RSRC1: variants seen among roughly 807,000 people sequenced by gnomAD.
The protein encoded by RSRC1 is serine/Arginine-related protein 53.
A neutral mutation model predicts 49.1 loss-of-function variants in RSRC1; 39 were observed. The ratio of observed to expected loss-of-function variants is 0.79; its 90% CI spans 0.61 to 1.04. The LOEUF (loss-of-function observed/expected upper bound fraction) is 1.04. RSRC1 is among the 50% of genes least tolerant of loss of function. RSRC1 has a pLI of 0.00. For missense variants in RSRC1, 388 were observed against 402.4 expected (o/e 0.96, Z 0.31); for synonymous variants, 143 against 130.8 (o/e 1.09, Z -0.63).
rs573132351 is a variant in RSRC1 at position 158,407,991 on chromosome 3, C to T, written c.584-52944C>T. Among the ~76,000 whole-genome samples, 11 of 152,222 alleles carry T rather than the reference C, an allele frequency of 7.2e-5. No homozygotes were observed. The South Asian group carries it at 1.0e-3, about 14-fold the overall frequency. On this transcript the variant is annotated intron_variant, in intron 6 of 9. Coordinates refer to ENST00000611884, the MANE Select transcript of RSRC1 (RefSeq NM_001271838.2). Reference sequence around the variant, plus strand: ...CTAATCCTGGCTTTGCCTTTCATGGCTTATATGATTTTTACAAGTTAGATA... The same window carrying T: ...CTAATCCTGGCTTTGCCTTTCATGGTTTATATGATTTTTACAAGTTAGATA...
chr3:158,422,920 G>T (rs1028171078), intron 6 of RSRC1, among the ~76,000 whole-genome samples: 1 of 152,022 alleles, frequency 6.6e-6, no homozygotes, highest in African/African-American at 2.4e-5. Flanking sequence ...TTTTGATGGG[G>T]TTGTTTGGTT....
intron 6 of RSRC1, among the ~76,000 whole-genome samples, chr3:158,371,154 A>G (rs1290848703): frequency 6.6e-6 from 1 of 151,828 alleles, no homozygotes; most frequent in Non-Finnish European, 1.5e-5. Flanking sequence ...ATAGTTATTT[A>G]TATATTCTAA....
At chr3:158,477,910 C>CT (rs934713028) in intron 7 of RSRC1, among the ~76,000 whole-genome samples, 1 of 147,886 alleles carries the variant, frequency 6.8e-6, no homozygotes, top group Admixed American at 6.8e-5. Context: ...TTCCTGTTTT[C>CT]TTTTTTTTAA....
At chr3:158,314,685 A>G (rs1021144570) in intron 5 of RSRC1, among the ~76,000 whole-genome samples, 2 of 152,180 alleles carry the variant, frequency 1.3e-5, no homozygotes, top group Non-Finnish European at 2.9e-5. Context: ...CCACTGCTCT[A>G]AGGAGTTTCA....
At chr3:158,274,721 A>G (rs551778502) in intron 4 of RSRC1, among the ~76,000 whole-genome samples, 2 of 152,304 alleles carry the variant, frequency 1.3e-5, no homozygotes, top group Admixed American at 6.5e-5. Flanking sequence ...CAGAAATGCA[A>G]TGTGGTGGTA....
intron 5 of RSRC1, among the ~76,000 whole-genome samples, chr3:158,322,893 A>C (rs1479987286): frequency 6.6e-6 from 1 of 151,970 alleles, no homozygotes; most frequent in East Asian, 1.9e-4. Flanking sequence ...CAGATCTGTT[A>C]ATGAGCTCAT....
At chr3:158,407,414 AT>A (rs1734208026) in intron 6 of RSRC1, among the ~76,000 whole-genome samples, 1 of 152,166 alleles carries the variant, frequency 6.6e-6, no homozygotes, top group African/African-American at 2.4e-5. Context: ...CAAATTGCTT[AT>A]TTTTATATGC....
At chr3:158,370,762 T>C (rs576110283) in intron 6 of RSRC1, among the ~76,000 whole-genome samples, 1 of 152,018 alleles carries the variant, frequency 6.6e-6, no homozygotes, top group South Asian at 2.1e-4. Context: ...TTTTGAGTTA[T>C]TGCTTAGGAT....
At chr3:158,437,960 T>C (rs1736143578) in intron 6 of RSRC1, among the ~76,000 whole-genome samples, 1 of 152,176 alleles carries the variant, frequency 6.6e-6, no homozygotes, top group South Asian at 2.1e-4. Context: ...GATAAACAAC[T>C]TCAGCAAAGT....
intron 6 of RSRC1, among the ~76,000 whole-genome samples, chr3:158,459,845 A>C (rs2108403915): frequency 6.6e-6 from 1 of 152,138 alleles, no homozygotes; most frequent in South Asian, 2.1e-4. Flanking sequence ...TAAGTTTTAT[A>C]CTTTAAGAAA....
intron 5 of RSRC1, among the ~76,000 whole-genome samples, chr3:158,309,502 T>C (rs1483190703): frequency 6.6e-6 from 1 of 151,856 alleles, no homozygotes; most frequent in Admixed American, 6.6e-5. Flanking sequence ...ATCTTAGTGA[T>C]GGAAATGACA....
chr3:158,439,391 A>T (rs2108370046), intron 6 of RSRC1, among the ~76,000 whole-genome samples: 1 of 152,288 alleles, frequency 6.6e-6, no homozygotes, highest in East Asian at 1.9e-4. Flanking sequence ...ACTATTCACA[A>T]TAGCAAAGAC....
intron 4 of RSRC1, among the ~76,000 whole-genome samples, chr3:158,269,125 TA>T (rs1372100231): frequency 6.6e-6 from 1 of 152,194 alleles, no homozygotes; most frequent in African/African-American, 2.4e-5. Flanking sequence ...ATAGATCATT[TA>T]TTTTTTTTCT....
intron 3 of RSRC1, among the ~76,000 whole-genome samples, chr3:158,198,350 CT>C (rs1223835347): frequency 6.6e-6 from 1 of 152,044 alleles, no homozygotes; most frequent in Admixed American, 6.6e-5. Flanking sequence ...CTTGGTAGAT[CT>C]TCCTCCATCC....
chr3:158,334,485 ATT>A (rs11287218), intron 5 of RSRC1, among the ~76,000 whole-genome samples: 11,391 of 145,978 alleles, frequency 0.078, 550 homozygotes, highest in Non-Finnish European at 0.098. Context: ...TAACAGGAGA[ATT>A]TTTTTTTTTT....
rs565831123 is a variant in RSRC1 at position 158,436,490 on chromosome 3, G to A, written c.584-24445G>A. Among the ~76,000 whole-genome samples the A allele has an allele frequency of 5.3e-5, 8 of 152,008 alleles. No homozygotes were observed. In the South Asian group the frequency reaches 1.7e-3, roughly 31 times the overall value. Reference sequence around the variant, plus strand: ...TGCTTAAAAGTACATGTGCCCACACGTGCATGCATGCACACATACATATAT... The same window carrying A: ...TGCTTAAAAGTACATGTGCCCACACATGCATGCATGCACACATACATATAT... On this transcript the variant is annotated intron_variant, in intron 6 of 9. Coordinates refer to ENST00000611884, the MANE Select transcript of RSRC1 (RefSeq NM_001271838.2).
At chr3:158,534,675 CTG>C (rs1228447997) in intron 7 of RSRC1, among the ~76,000 whole-genome samples, 1 of 151,436 alleles carries the variant, frequency 6.6e-6, no homozygotes, top group Non-Finnish European at 1.5e-5. Flanking sequence ...AAAGCTGTAA[CTG>C]TGAAAGCAGA....
At chr3:158,369,649 G>A (rs999925285) in intron 6 of RSRC1, among the ~76,000 whole-genome samples, 2 of 151,996 alleles carry the variant, frequency 1.3e-5, no homozygotes, top group Non-Finnish European at 2.9e-5. Flanking sequence ...TAGAAAGAGT[G>A]GATGGCAACA....
intron 7 of RSRC1, among the ~76,000 whole-genome samples, chr3:158,491,749 T>TA (rs1739091840): frequency 6.6e-6 from 1 of 152,336 alleles, no homozygotes; most frequent in East Asian, 1.9e-4. Context: ...TTTTCATGTA[T>TA]GATTATAGAA....
Sources: gnomAD v4.1 joint callset for allele counts (sites outside exome capture counted in the v4.1 genomes callset) on GRCh38, gnomAD v4.1.1 for gene constraint, MANE v1.5 for transcripts, NCBI Gene and HGNC (gene_info 2026-07-23, HGNC 2026-07-21) for gene names.